Variants in NCKAP5 observed in about 807,000 individuals in gnomAD.
NCKAP5 encodes NCK associated protein 5.
In NCKAP5, 92 loss-of-function variants were observed where a neutral mutation model predicts 167.0. The ratio of observed to expected loss-of-function variants is 0.55; its 90% CI spans 0.47 to 0.66. The LOEUF is 0.66. Ranked by LOEUF, NCKAP5 falls within the 30% of genes least tolerant of loss-of-function variation. The probability of loss-of-function intolerance (pLI) is 0.00; values close to 1 mark genes in which losing one functional copy is unlikely to be tolerated. For missense variants in NCKAP5, 2,378 were observed against 2,315.0 expected, an observed-to-expected ratio of 1.03 and a Z score of -0.56; for synonymous variants, 891 against 877.4, an observed-to-expected ratio of 1.02 and a Z score of -0.27.
At chr2:133,094,070 C>G (rs1338611501) in intron 6 of NCKAP5, among the ~76,000 whole-genome samples, 1 of 152,206 alleles carries the variant, frequency 6.6e-6, no homozygotes. Flanking sequence ...GAAGGACACA[C>G]AGGGGGTTTC....
chr2:133,389,567 C>T (rs1687250761), intron 3 of NCKAP5, among the ~76,000 whole-genome samples: 1 of 152,218 alleles, frequency 6.6e-6, no homozygotes, highest in Non-Finnish European at 1.5e-5. Flanking sequence ...TGTTCTCTTG[C>T]TCTATATCAT....
intron 7 of NCKAP5, among the ~76,000 whole-genome samples, chr2:132,968,263 A>G (rs1239344179): frequency 6.6e-6 from 1 of 152,210 alleles, no homozygotes; most frequent in Non-Finnish European, 1.5e-5. Context: ...GACTGCTGCA[A>G]TGGAGAATGG....
At chr2:133,038,208 G>A (rs1446377877) in intron 6 of NCKAP5, among the ~76,000 whole-genome samples, 1 of 152,150 alleles carries the variant, frequency 6.6e-6, no homozygotes, top group Non-Finnish European at 1.5e-5. Context: ...CTAAGATTTG[G>A]AAGGAACTGA....
chr2:133,279,369 C>T lies in NCKAP5; in HGVS notation c.143+23668G>A, dbSNP rs982105242. Among the ~76,000 whole-genome samples the T allele has an allele frequency of 4.6e-5, 7 of 152,310 alleles. No individual in the cohort carries two copies. The South Asian group carries it at 1.0e-3, about 23-fold the overall frequency. ...GCAGTCCTTCATTGGGCTTCTACAC[C>T]ACTCTCTGCATAGAACTGAGTAAAT... On this transcript the variant is annotated intron_variant, in intron 4 of 19. Coordinates refer to ENST00000409261, the MANE Select transcript of NCKAP5 (RefSeq NM_207363.3).
At chr2:132,703,505 C>G (rs562769785) in intron 19 of NCKAP5, among the ~76,000 whole-genome samples, 15 of 152,256 alleles carry the variant, frequency 9.9e-5, no homozygotes, top group African/African-American at 3.4e-4. Context: ...AATTCATCCC[C>G]AGTGGATGAA....
Position 133,270,363 on chromosome 2 carries a change from A to C in NCKAP5, c.143+32674T>G, listed in dbSNP as rs899081451. Reference sequence around the variant, plus strand: ...ACTCTCATGTTTTAAAAGGGAGAATATGGAACTTTCCCATCTGAGAAGAAG... The same window carrying C: ...ACTCTCATGTTTTAAAAGGGAGAATCTGGAACTTTCCCATCTGAGAAGAAG... On this transcript the variant is annotated intron_variant, in intron 4 of 19. Coordinates refer to ENST00000409261, the MANE Select transcript of NCKAP5 (RefSeq NM_207363.3). 5.9e-5 allele frequency among the ~76,000 whole-genome samples: 9 copies of C among 152,368 alleles called. No individual in the cohort carries two copies. In the East Asian group the frequency reaches 1.7e-3, roughly 29 times the overall value.
At chr2:132,758,354 T>A (rs1680726272) in intron 16 of NCKAP5, among the ~76,000 whole-genome samples, 1 of 152,238 alleles carries the variant, frequency 6.6e-6, no homozygotes, top group African/African-American at 2.4e-5. Flanking sequence ...TTTGTAAATC[T>A]ACAAGTCATT....
At chr2:133,625,698 G>A in the NCKAP5 span, among the ~76,000 whole-genome samples, 2 of 151,902 alleles carry the variant, frequency 1.3e-5, no homozygotes, top group East Asian at 1.9e-4. Context: ...GTGAAACCCC[G>A]TCTCTACTAA....
chr2:133,010,136 GT>G (rs2078107784), intron 6 of NCKAP5, among the ~76,000 whole-genome samples: 1 of 151,942 alleles, frequency 6.6e-6, no homozygotes, highest in Non-Finnish European at 1.5e-5. Context: ...ATGTACTGAA[GT>G]TTTGAAAAAT....
chr2:133,412,958 G>C (rs1475448833), intron 3 of NCKAP5, among the ~76,000 whole-genome samples: 1 of 152,218 alleles, frequency 6.6e-6, no homozygotes, highest in African/African-American at 2.4e-5. Flanking sequence ...CAGGGAGGGA[G>C]GAAGGAGAGG....
At chr2:132,721,603 C>T (rs558686819) in intron 19 of NCKAP5, among the ~76,000 whole-genome samples, 1 of 152,200 alleles carries the variant, frequency 6.6e-6, no homozygotes, top group African/African-American at 2.4e-5. Context: ...TTGTCTTTCT[C>T]CTGTTTCTAT....
chr2:133,331,082 G>A (rs1325672963), intron 3 of NCKAP5, among the ~76,000 whole-genome samples: 1 of 152,144 alleles, frequency 6.6e-6, no homozygotes, highest in Non-Finnish European at 1.5e-5. Flanking sequence ...GTGAGTGTAT[G>A]TGTAGTTTTA....
intron 3 of NCKAP5, among the ~76,000 whole-genome samples, chr2:133,371,835 C>T (rs892796236): frequency 6.6e-6 from 1 of 152,134 alleles, no homozygotes; most frequent in African/African-American, 2.4e-5. Context: ...TGGGCTTCCT[C>T]TTCAAATTAC....
At chr2:133,323,985 C>T (rs1682252005) in intron 3 of NCKAP5, among the ~76,000 whole-genome samples, 1 of 152,206 alleles carries the variant, frequency 6.6e-6, no homozygotes. Context: ...ACAAAGTTGT[C>T]CTAGCTATGT....
chr2:133,193,787 T>C (rs1200262141), intron 5 of NCKAP5, among the ~76,000 whole-genome samples: 1 of 152,130 alleles, frequency 6.6e-6, no homozygotes, highest in Non-Finnish European at 1.5e-5. Context: ...AGAGTATTTG[T>C]AGTCTCTGTG....
chr2:133,252,745 T>C (rs1176997475), intron 4 of NCKAP5, among the ~76,000 whole-genome samples: 2 of 152,156 alleles, frequency 1.3e-5, no homozygotes, highest in Non-Finnish European at 2.9e-5. Flanking sequence ...GGAGAAAGCT[T>C]TCCTCAATGC....
At chr2:133,608,801 C>T in the NCKAP5 span, among the ~76,000 whole-genome samples, 1 of 152,304 alleles carries the variant, frequency 6.6e-6, no homozygotes, top group Non-Finnish European at 1.5e-5. Context: ...CTTTCCTCTG[C>T]ACAGATTATT....
chr2:132,891,866 T>C lies in NCKAP5; in HGVS notation c.580-12950A>G, dbSNP rs72614494. Reference sequence around the variant, plus strand: ...AATCTGATGGGAAGTGACGGCGTGCTTTTCAAATTTCCTTTTATTTGAAAT... The same window carrying C: ...AATCTGATGGGAAGTGACGGCGTGCCTTTCAAATTTCCTTTTATTTGAAAT... On this transcript the variant is annotated intron_variant, in intron 8 of 19. Coordinates refer to ENST00000409261, the MANE Select transcript of NCKAP5 (RefSeq NM_207363.3). 9.7e-3 allele frequency among the ~76,000 whole-genome samples: 1,472 copies of C among 152,318 alleles called. 126 individuals are homozygous for C. In the East Asian group the frequency reaches 0.22, roughly 23 times the overall value.
chr2:133,380,791 G>T (rs905806400), intron 3 of NCKAP5, among the ~76,000 whole-genome samples: 1 of 152,174 alleles, frequency 6.6e-6, no homozygotes, highest in African/African-American at 2.4e-5. Flanking sequence ...TAGGTAATAT[G>T]TTTGCACATT....
Sources: allele counts gnomAD v4.1 joint callset (sites outside exome capture counted in the v4.1 genomes callset), GRCh38; gene constraint gnomAD v4.1.1; transcripts MANE v1.5; gene names NCBI Gene and HGNC (gene_info 2026-07-23, HGNC 2026-07-21).